CFAP299: variants seen among roughly 807,000 people sequenced by gnomAD.
The protein encoded by CFAP299 is cilia- and flagella-associated protein 299.
Under a neutral mutation model 27.0 loss-of-function variants are expected in CFAP299, and 21 were observed. That is an observed-to-expected ratio of 0.78 (90% confidence interval 0.55 to 1.12). The LOEUF (loss-of-function observed/expected upper bound fraction) is 1.12. Among genes scored for constraint, CFAP299 ranks in the 50% most tolerant of loss-of-function variants. CFAP299 has a pLI of 0.00. For synonymous variants in CFAP299, 104 were observed against 98.1 expected, an observed-to-expected ratio of 1.06 and a Z score of -0.36; for missense variants, 310 against 276.6, an observed-to-expected ratio of 1.12 and a Z score of -0.86.
At chr4:80,647,961 G>A (rs1474513306) in intron 3 of CFAP299, among the ~76,000 whole-genome samples, 1 of 152,122 alleles carries the variant, frequency 6.6e-6, no homozygotes. Context: ...GGAGGCTGAG[G>A]CAAGGGAATC....
chr4:80,710,685 A>G lies in CFAP299; in HGVS notation c.333+127502A>G, dbSNP rs577702329. ...CAGCGTTCCAACTACATCATCCCTC[A>G]TCCCCTTTACCCACTCACTTACTTC... On this transcript the variant is annotated intron_variant, in intron 3 of 5. Transcript: ENST00000358105. Among the ~76,000 whole-genome samples the G allele has an allele frequency of 1.1e-4, 17 of 151,494 alleles. No individual in the cohort carries two copies. In the South Asian group the frequency reaches 3.6e-3, roughly 32 times the overall value.
chr4:80,669,236 A>G (rs972356895), intron 3 of CFAP299, among the ~76,000 whole-genome samples: 2 of 127,694 alleles, frequency 1.6e-5, no homozygotes, highest in African/African-American at 3.0e-5. Context: ...TCTCAATTCA[A>G]TGCAACCCCC....
At chr4:80,853,707 A>G (rs1013392993) in intron 3 of CFAP299, among the ~76,000 whole-genome samples, 1 of 152,204 alleles carries the variant, frequency 6.6e-6, no homozygotes, top group Non-Finnish European at 1.5e-5. Flanking sequence ...GGTAGAGGCA[A>G]CAAGACTTGT....
chr4:80,491,910 C>T (rs1195752631), intron 2 of CFAP299, among the ~76,000 whole-genome samples: 1 of 152,192 alleles, frequency 6.6e-6, no homozygotes, highest in Non-Finnish European at 1.5e-5. Flanking sequence ...CTTCCAGACC[C>T]TTCCAATCCT....
chr4:80,924,088 G>T (rs1252186387), intron 4 of CFAP299, among the ~76,000 whole-genome samples: 1 of 151,772 alleles, frequency 6.6e-6, no homozygotes, highest in Non-Finnish European at 1.5e-5. Flanking sequence ...GTGACATGGG[G>T]TATCATTTTG....
At chr4:80,516,310 T>G (rs2110169383) in intron 2 of CFAP299, among the ~76,000 whole-genome samples, 1 of 152,254 alleles carries the variant, frequency 6.6e-6, no homozygotes, top group Admixed American at 6.5e-5. Flanking sequence ...TGTGAGCCAC[T>G]GTGCCTGGCC....
chr4:80,880,616 C>T (rs2110175863), intron 4 of CFAP299, among the ~76,000 whole-genome samples: 1 of 152,130 alleles, frequency 6.6e-6, no homozygotes, highest in East Asian at 1.9e-4. Context: ...GTCTCAGCTA[C>T]TTGGGAGGCT....
At chr4:80,842,978 G>A (rs1730946649) in intron 3 of CFAP299, among the ~76,000 whole-genome samples, 1 of 151,730 alleles carries the variant, frequency 6.6e-6, no homozygotes, top group Non-Finnish European at 1.5e-5. Context: ...GCTCATTTTG[G>A]TTGCAACAAT....
At chr4:80,723,410 CTG>C (rs1333924651) in intron 3 of CFAP299, among the ~76,000 whole-genome samples, 1 of 151,998 alleles carries the variant, frequency 6.6e-6, no homozygotes, top group Non-Finnish European at 1.5e-5. Context: ...AATAAATGAA[CTG>C]CTGATACATG....
Position 80,362,802 on chromosome 4 carries a change from G to A in CFAP299, c.160G>A (p.Gly54Arg). The A allele has an allele frequency of 6.2e-7, 1 of 1,613,520 alleles. No homozygotes were observed. The highest frequency in any genetic ancestry group is 1.1e-5 in the South Asian group (1 of 90,962). Residue 54 changes from glycine (G) to arginine (R), a missense_variant, in exon 2 of 6, where the codon GGA (glycine) becomes AGA (arginine). Physicochemically the swap from Gly to Arg is moderately radical, Grantham distance 125. Coordinates refer to ENST00000358105, the MANE Select transcript of CFAP299 (RefSeq NM_152770.3). ...GGTGGAGCTAGGCTACCGAGGGACT[G>A]GAGAGAGAGTGAAAAGGGAAGATTT... ...QLVELGYRGT[G>R]ERVKREDFEA...
chr4:80,782,410 A>G (rs370669341), intron 3 of CFAP299, among the ~76,000 whole-genome samples: 8 of 150,720 alleles, frequency 5.3e-5, no homozygotes, highest in East Asian at 1.9e-4. Context: ...CTTTTTCTTC[A>G]GCTTAAGACA....
intron 3 of CFAP299, among the ~76,000 whole-genome samples, chr4:80,651,703 C>CG (rs1388771765): frequency 1.5e-5 from 1 of 64,634 alleles, no homozygotes; most frequent in African/African-American, 7.2e-5. Context: ...TAGGTATGCA[C>CG]TTGTGTGTGT....
chr4:80,774,632 A>G (rs1726419930), intron 3 of CFAP299, among the ~76,000 whole-genome samples: 1 of 152,012 alleles, frequency 6.6e-6, no homozygotes, highest in African/African-American at 2.4e-5. Context: ...TAATATAAAT[A>G]TATATTGTGA....
intron 2 of CFAP299, among the ~76,000 whole-genome samples, chr4:80,368,669 A>G (rs1220756718): frequency 1.3e-5 from 2 of 152,156 alleles, no homozygotes; most frequent in African/African-American, 4.8e-5. Context: ...TCCAGAGTTT[A>G]TTTTATATAA....
chr4:80,682,709 A>G (rs1719920135), intron 3 of CFAP299, among the ~76,000 whole-genome samples: 1 of 152,138 alleles, frequency 6.6e-6, no homozygotes, highest in African/African-American at 2.4e-5. Flanking sequence ...ACCCTTTATT[A>G]TAAGACCAAA....
chr4:80,952,561 G>A (rs1737838205), intron 5 of CFAP299, among the ~76,000 whole-genome samples: 1 of 152,140 alleles, frequency 6.6e-6, no homozygotes, highest in South Asian at 2.1e-4. Context: ...AAAAATAAAT[G>A]CGTAGTCACT....
intron 3 of CFAP299, among the ~76,000 whole-genome samples, chr4:80,774,104 A>G (rs576908826): frequency 6.6e-6 from 1 of 152,072 alleles, no homozygotes; most frequent in South Asian, 2.1e-4. Flanking sequence ...AGATTTTCCC[A>G]ATGTATGAAA....
chr4:80,539,604 A>G (rs996046704), intron 2 of CFAP299, among the ~76,000 whole-genome samples: 2 of 152,258 alleles, frequency 1.3e-5, no homozygotes, highest in East Asian at 3.9e-4. Flanking sequence ...AAATACAGGA[A>G]GCAGGTAGTG....
intron 5 of CFAP299, among the ~76,000 whole-genome samples, chr4:80,957,867 A>G (rs966165119): frequency 2.6e-5 from 4 of 152,138 alleles, no homozygotes; most frequent in Non-Finnish European, 5.9e-5. Flanking sequence ...CATAAAATGC[A>G]GCTAGTCTTA....
Sources: allele counts gnomAD v4.1 joint callset (sites outside exome capture counted in the v4.1 genomes callset), GRCh38; gene constraint gnomAD v4.1.1; transcripts MANE v1.5; gene names NCBI Gene and HGNC (gene_info 2026-07-23, HGNC 2026-07-21).